Variants in MAF observed in about 807,000 individuals in gnomAD.
MAF encodes transcription factor Maf.
A neutral mutation model predicts 22.0 loss-of-function variants in MAF; 10 were observed. That is an observed-to-expected ratio of 0.45 (90% CI 0.28 to 0.77). MAF has a LOEUF of 0.77. Among genes scored for constraint, MAF ranks in the 30% least tolerant of loss-of-function variants. MAF has a pLI of 0.12. For synonymous variants in MAF, 337 were observed against 255.8 expected (o/e 1.32, Z -3.03); for missense variants, 544 against 548.4 (o/e 0.99, Z 0.08).
chr16:79,489,951 T>G, the MAF span, among the ~76,000 whole-genome samples: 7 of 152,084 alleles, frequency 4.6e-5, no homozygotes, highest in African/African-American at 1.4e-4. Context: ...GCAGGCACCC[T>G]AGAAATGCTC....
At chr16:79,539,869 C>T in the MAF span, among the ~76,000 whole-genome samples, 3 of 152,292 alleles carry the variant, frequency 2.0e-5, no homozygotes, top group South Asian at 6.2e-4. Context: ...CAAAAAGATT[C>T]TCCGAGGTAA....
At chr16:79,537,385 C>T in the MAF span, among the ~76,000 whole-genome samples, 1 of 152,024 alleles carries the variant, frequency 6.6e-6, no homozygotes, top group African/African-American at 2.4e-5. Flanking sequence ...TTTATGTTCT[C>T]AATCATGTAT....
At chr16:79,236,085 G>A in the MAF span, among the ~76,000 whole-genome samples, 1 of 152,056 alleles carries the variant, frequency 6.6e-6, no homozygotes, top group Admixed American at 6.6e-5. Context: ...GCTGAACCTT[G>A]GCTGGTGGGC....
the MAF span, among the ~76,000 whole-genome samples, chr16:79,498,916 A>G: frequency 6.6e-6 from 1 of 152,148 alleles, no homozygotes. Context: ...CCTGACTCTT[A>G]GGAGAGTCTA....
At chr16:79,311,000 T>TGCTGCG in the MAF span, among the ~76,000 whole-genome samples, 3 of 151,024 alleles carry the variant, frequency 2.0e-5, no homozygotes, top group African/African-American at 7.3e-5. Context: ...CCCTGGCTGC[T>TGCTGCG]GCTGCGGCTG....
chr16:79,316,308 G>A, the MAF span, among the ~76,000 whole-genome samples: 5 of 152,294 alleles, frequency 3.3e-5, no homozygotes, highest in South Asian at 1.0e-3. Context: ...CTTTCAGCTT[G>A]TGCAATGTTC....
chr16:79,492,287 G>A, the MAF span, among the ~76,000 whole-genome samples: 12 of 152,146 alleles, frequency 7.9e-5, no homozygotes, highest in East Asian at 2.1e-3. Flanking sequence ...CATTCATTCC[G>A]GGTGCAAAAT....
chr16:79,342,279 C>G, the MAF span, among the ~76,000 whole-genome samples: 1 of 152,166 alleles, frequency 6.6e-6, no homozygotes, highest in Non-Finnish European at 1.5e-5. Flanking sequence ...ACAAGTGCCC[C>G]TTGCCAAGAA....
At chr16:79,456,120 C>T in the MAF span, among the ~76,000 whole-genome samples, 11 of 152,226 alleles carry the variant, frequency 7.2e-5, no homozygotes, top group South Asian at 1.5e-3. Flanking sequence ...AAACGCTGCC[C>T]ATGTCTCTAC....
chr16:79,467,489 G>A, the MAF span, among the ~76,000 whole-genome samples: 2 of 152,184 alleles, frequency 1.3e-5, no homozygotes, highest in Non-Finnish European at 2.9e-5. Context: ...GGAAACTGAG[G>A]CATAGAGAAA....
the MAF span, among the ~76,000 whole-genome samples, chr16:79,546,376 C>A: frequency 6.6e-6 from 1 of 151,966 alleles, no homozygotes; most frequent in Admixed American, 6.6e-5. Flanking sequence ...AGTCATATAA[C>A]CTAATTTATG....
At chr16:79,456,831 C>T in the MAF span, among the ~76,000 whole-genome samples, 56 of 152,192 alleles carry the variant, frequency 3.7e-4, no homozygotes, top group South Asian at 6.2e-4. Context: ...AAAATTAAAC[C>T]TTGAATATGT....
chr16:79,323,011 T>G, the MAF span, among the ~76,000 whole-genome samples: 1 of 150,694 alleles, frequency 6.6e-6, no homozygotes, highest in Non-Finnish European at 1.5e-5. Context: ...TTAGCCAGGC[T>G]TGGTGGCAAG....
the MAF span, among the ~76,000 whole-genome samples, chr16:79,369,121 C>T: frequency 6.6e-6 from 1 of 152,238 alleles, no homozygotes; most frequent in South Asian, 2.1e-4. Flanking sequence ...TTAAGCCTCA[C>T]TATCAACTCT....
downstream of MAF, among the ~76,000 whole-genome samples, chr16:79,582,675 G>T (rs535750917): frequency 1.3e-5 from 2 of 152,340 alleles, no homozygotes; most frequent in African/African-American, 4.8e-5. Flanking sequence ...ACAATTTAGG[G>T]TAAATCCAAA....
At chr16:79,329,608 G>C in the MAF span, among the ~76,000 whole-genome samples, 1 of 152,188 alleles carries the variant, frequency 6.6e-6, no homozygotes, top group African/African-American at 2.4e-5. Context: ...GATGGAAGTG[G>C]TTCATATCAG....
At chr16:79,551,670 T>C in the MAF span, among the ~76,000 whole-genome samples, 2 of 152,204 alleles carry the variant, frequency 1.3e-5, no homozygotes, top group African/African-American at 4.8e-5. Context: ...CTCAAAATTA[T>C]TTTACATTTC....
chr16:79,443,531 T>C, the MAF span, among the ~76,000 whole-genome samples: 1 of 152,322 alleles, frequency 6.6e-6, no homozygotes, highest in African/African-American at 2.4e-5. Flanking sequence ...GAATATGCCT[T>C]ATGAGGGTTG....
At chr16:79,522,242 C>T in the MAF span, among the ~76,000 whole-genome samples, 4 of 152,238 alleles carry the variant, frequency 2.6e-5, no homozygotes, top group African/African-American at 4.8e-5. Flanking sequence ...GCTGTTTGAT[C>T]TCCATTGAGC....
Sources: allele counts gnomAD v4.1 joint callset (sites outside exome capture counted in the v4.1 genomes callset), GRCh38; gene constraint gnomAD v4.1.1; transcripts MANE v1.5; gene names NCBI Gene and HGNC (gene_info 2026-07-23, HGNC 2026-07-21).